The following ARID1B variants were observed in gnomAD, a reference collection of about 807,000 sequenced individuals.
ARID1B encodes the protein AT-rich interactive domain-containing protein 1B.
In ARID1B, 30 loss-of-function variants were observed where a neutral mutation model predicts 212.3. The ratio of observed to expected loss-of-function variants is 0.14; its 90% CI spans 0.11 to 0.19. The LOEUF (loss-of-function observed/expected upper bound fraction) is 0.19, where lower values mean the gene tolerates loss of function less well. ARID1B is among the 10% of genes least tolerant of loss of function. The pLI is 1.00. For missense variants in ARID1B, 2,891 were observed against 3,204.0 expected (o/e 0.90, Z 2.36); for synonymous variants, 1,402 against 1,301.7 (o/e 1.08, Z -1.66).
chr6:157,135,830 C>T (rs1479323161), intron 7 of ARID1B, among the ~76,000 whole-genome samples: 3 of 152,138 alleles, frequency 2.0e-5, no homozygotes, highest in Non-Finnish European at 2.9e-5. Flanking sequence ...TTATTAGTGA[C>T]ATATTCAGCT....
chr6:157,183,095 CA>C (rs372412591), intron 12 of ARID1B, among the ~76,000 whole-genome samples: 56 of 152,276 alleles, frequency 3.7e-4, no homozygotes, highest in African/African-American at 1.3e-3. Context: ...TCTTTGTCCC[CA>C]CCCCATCATG....
intron 6 of ARID1B, among the ~76,000 whole-genome samples, chr6:157,117,547 A>G (rs899995542): frequency 3.9e-5 from 6 of 152,308 alleles, no homozygotes; most frequent in Admixed American, 1.3e-4. Context: ...CTATGAGTTC[A>G]ACTGAGCTTC....
intron 4 of ARID1B, among the ~76,000 whole-genome samples, chr6:156,997,446 A>G (rs1416452290): frequency 6.6e-6 from 1 of 152,150 alleles, no homozygotes; most frequent in African/African-American, 2.4e-5. Context: ...TTATATCGTC[A>G]CTGTCATGAA....
intron 1 of ARID1B, among the ~76,000 whole-genome samples, chr6:156,792,232 C>T (rs1327107948): frequency 6.6e-6 from 1 of 152,146 alleles, no homozygotes; most frequent in East Asian, 1.9e-4. Context: ...AGAGTTTTGC[C>T]AATCACTCCT....
chr6:156,808,070 T>C (rs1781303026), intron 1 of ARID1B, among the ~76,000 whole-genome samples: 1 of 152,224 alleles, frequency 6.6e-6, no homozygotes, highest in Non-Finnish European at 1.5e-5. Context: ...GCCGTGTTAC[T>C]GTTGAGGCTT....
At chr6:157,031,235 GAGAGCAGTTTATTTATT>G (rs898883262) in intron 4 of ARID1B, among the ~76,000 whole-genome samples, 1 of 152,138 alleles carries the variant, frequency 6.6e-6, no homozygotes, top group African/African-American at 2.4e-5. Context: ...CATGGTTTTG[GAGAGCAGTTTATTTATT>G]AGTGTCTACT....
chr6:157,181,110 G>T lies in ARID1B; in HGVS notation c.3646G>T (p.Val1216Leu), dbSNP rs370283707. ...CTCTCCTGTCTCAAGTCTGCCTGCCGTGGGCAAGAAGCCCCTGGACCTGTT... is the reference window on the plus strand; with the variant it reads ...CTCTCCTGTCTCAAGTCTGCCTGCCTTGGGCAAGAAGCCCCTGGACCTGTT... ...RGSPVSSLPA[V>L]GKKPLDLFRL... The change falls in exon 12 of 20, where the codon GTG becomes TTG. Residue 1216 changes from valine (V) to leucine (L), a missense_variant. Coordinates refer to ENST00000636930, the MANE Select transcript of ARID1B (RefSeq NM_001374828.1). 7 of 1,614,142 alleles carry T rather than the reference G, an allele frequency of 4.3e-6. No homozygotes were observed. Among genetic ancestry groups the T allele is most frequent in the Non-Finnish European group, 5.9e-6 (7 of 1,180,034 alleles).
At chr6:156,869,970 C>T (rs2128141826) in intron 2 of ARID1B, 1 of 151,688 alleles carries the variant, frequency 6.6e-6, no homozygotes, top group Admixed American at 6.6e-5. Context: ...TACTGATCTC[C>T]CTGAGTGAGT....
intron 3 of ARID1B, among the ~76,000 whole-genome samples, chr6:156,932,671 A>G (rs181626870): frequency 3.2e-4 from 48 of 152,336 alleles, no homozygotes; most frequent in African/African-American, 1.1e-3. Flanking sequence ...TAGCTTTTTA[A>G]GATGAAAAAG....
rs762587131 is a variant in ARID1B at position 157,206,990 on chromosome 6, A to G, written c.6218A>G (p.Asn2073Ser). ...GCTAAGCGATGCATCTGTGTGTCCA[A>G]TATTGTCCGTAGCTTGTCATTCGTG... ...SLAKRCICVS[N>S]IVRSLSFVPG... The change falls in exon 20 of 20, where the codon AAT becomes AGT. Residue 2073 changes from asparagine to serine, a missense_variant. Physicochemically the swap from Asn to Ser is conservative, Grantham distance 46. This residue lies in a region of ARID1B where 19 missense variants were observed against 52.9 expected (regional missense o/e 0.36). Transcript: ENST00000636930. This position sits in a 1 kb window ranked among gnomAD's most constrained non-coding sequence, Gnocchi z 6.8. 25 of 1,614,114 alleles carry G rather than the reference A, an allele frequency of 1.5e-5. No individual in the cohort carries two copies. Among genetic ancestry groups the G allele is most frequent in the African/African-American group, 5.3e-5 (4 of 74,948 alleles).
At chr6:157,047,260 T>A (rs1404434941) in intron 4 of ARID1B, among the ~76,000 whole-genome samples, 2 of 152,190 alleles carry the variant, frequency 1.3e-5, no homozygotes, top group Non-Finnish European at 2.9e-5. Context: ...GATCACGAGA[T>A]GTTTGTGGAG....
chr6:156,833,228 A>C (rs1054051996), intron 2 of ARID1B, among the ~76,000 whole-genome samples: 7 of 152,204 alleles, frequency 4.6e-5, no homozygotes, highest in African/African-American at 1.7e-4. Flanking sequence ...TTAAAAAAAA[A>C]ACAAACCTTA....
At chr6:156,979,015 A>C (rs968248331) in intron 4 of ARID1B, among the ~76,000 whole-genome samples, 3 of 152,220 alleles carry the variant, frequency 2.0e-5, no homozygotes, top group Non-Finnish European at 2.9e-5. Flanking sequence ...TTAATGAATA[A>C]AAGATTTAAA....
chr6:156,831,824 A>G (rs979483865), intron 2 of ARID1B, among the ~76,000 whole-genome samples: 4 of 152,246 alleles, frequency 2.6e-5, no homozygotes, highest in African/African-American at 9.6e-5. Flanking sequence ...CAAAAGAAAT[A>G]CCCAATTCTA....
intron 11 of ARID1B, among the ~76,000 whole-genome samples, chr6:157,176,814 C>G (rs1169445446): frequency 1.3e-5 from 2 of 152,134 alleles, no homozygotes; most frequent in Non-Finnish European, 2.9e-5. Flanking sequence ...CCACTGCACT[C>G]CAGCCTGGGC....
chr6:157,097,927 A>G (rs557309338), intron 5 of ARID1B, among the ~76,000 whole-genome samples: 9 of 152,356 alleles, frequency 5.9e-5, no homozygotes, highest in Admixed American at 6.5e-5. Context: ...GGAAACGACT[A>G]TACAAAATTG....
At chr6:157,146,688 C>T (rs990816286) in intron 7 of ARID1B, among the ~76,000 whole-genome samples, 4 of 152,154 alleles carry the variant, frequency 2.6e-5, no homozygotes, top group Non-Finnish European at 4.4e-5. Flanking sequence ...GTGAGCTTCT[C>T]GAGTGCAAGA....
intron 8 of ARID1B, among the ~76,000 whole-genome samples, chr6:157,163,325 G>A (rs971507201): frequency 2.0e-5 from 3 of 152,164 alleles, no homozygotes; most frequent in Admixed American, 2.0e-4. Flanking sequence ...TCCTAGGTTA[G>A]CAACACCACG....
intron 7 of ARID1B, among the ~76,000 whole-genome samples, chr6:157,133,674 C>T (rs921713074): frequency 3.9e-5 from 6 of 152,150 alleles, no homozygotes; most frequent in African/African-American, 7.2e-5. Context: ...TCCGAGGTGC[C>T]GCATCAGGTC....
Sources: allele counts gnomAD v4.1 joint callset (sites outside exome capture counted in the v4.1 genomes callset), GRCh38; gene constraint gnomAD v4.1.1; regional missense constraint gnomAD v4.1.1; non-coding constraint Gnocchi (gnomAD v3.1); transcripts MANE v1.5; gene names NCBI Gene and HGNC (gene_info 2026-07-23, HGNC 2026-07-21).